Variants in TNFRSF10B observed in about 807,000 individuals in gnomAD.
TNFRSF10B encodes TNF receptor superfamily member 10b, also known as tumor necrosis factor receptor superfamily member 10B.
Under a neutral mutation model 41.4 loss-of-function variants are expected in TNFRSF10B, and 35 were observed. The observed-to-expected ratio is 0.85, with a 90% CI of 0.65 to 1.12. The LOEUF is 1.12. TNFRSF10B is among the 50% of genes most tolerant of loss of function. TNFRSF10B has a pLI of 0.00. For missense variants in TNFRSF10B, 584 were observed against 552.7 expected, an observed-to-expected ratio of 1.06 and a Z score of -0.57; for synonymous variants, 230 against 215.5, an observed-to-expected ratio of 1.07 and a Z score of -0.59.
intron 1 of TNFRSF10B, among the ~76,000 whole-genome samples, chr8:23,059,129 C>T (rs1248959728): frequency 5.9e-5 from 9 of 152,192 alleles, no homozygotes; most frequent in Non-Finnish European, 1.3e-4. Flanking sequence ...TGGCATTTTA[C>T]TGAGCATGTC....
chr8:23,020,557 T>G lies in TNFRSF10B; in HGVS notation c.*2114A>C, dbSNP rs957501086. 2 of 446,176 alleles carry G rather than the reference T, an allele frequency of 4.5e-6. No homozygotes were observed. Among genetic ancestry groups the G allele is most frequent in the Admixed American group, 2.4e-5 (1 of 41,848 alleles). 27.6% of individuals were successfully genotyped at this position (446,176 alleles called of 1,614,324 possible). A position where few individuals can be genotyped will look rare whatever the true frequency, so the allele number is the denominator to read the frequency against. On this transcript the variant is annotated 3_prime_UTR_variant, in exon 9 of 9. Coordinates refer to ENST00000276431, the MANE Select transcript of TNFRSF10B (RefSeq NM_003842.5). The stretch of plus-strand genomic sequence containing the variant: ...AAATACAAAAATTAGCCAGGCGTGG[T>G]GGCGGGTGCCTGCAATCCCAGCTAC...
chr8:23,047,786 G>A (rs996759837), intron 1 of TNFRSF10B, among the ~76,000 whole-genome samples: 2 of 152,180 alleles, frequency 1.3e-5, no homozygotes, highest in African/African-American at 4.8e-5. Context: ...CATTACAGAA[G>A]GCAGTATGGA....
chr8:23,059,097 A>AT (rs1251227725), intron 1 of TNFRSF10B, among the ~76,000 whole-genome samples: 3 of 152,062 alleles, frequency 2.0e-5, no homozygotes, highest in Admixed American at 2.0e-4. Context: ...GTGGAATCCT[A>AT]TTTCATTTGT....
chr8:23,068,948 A>C lies in TNFRSF10B; in HGVS notation c.-54T>G. On this transcript the variant is annotated 5_prime_UTR_variant, in exon 1 of 9. Coordinates refer to ENST00000276431, the MANE Select transcript of TNFRSF10B (RefSeq NM_003842.5). ...CAGGCCCGTGGGTTTCAGCCCTTAAAGTAGATCGGGCATCGTCGGTGTATT... is the reference window on the plus strand; with the variant it reads ...CAGGCCCGTGGGTTTCAGCCCTTAACGTAGATCGGGCATCGTCGGTGTATT... The C allele has an allele frequency of 6.2e-7, 1 of 1,612,728 alleles. No individual in the cohort carries two copies. The highest frequency in any genetic ancestry group is 8.5e-7 in the Non-Finnish European group (1 of 1,179,834).
chr8:23,054,785 T>C (rs1420650985), intron 1 of TNFRSF10B, among the ~76,000 whole-genome samples: 2 of 152,152 alleles, frequency 1.3e-5, no homozygotes, highest in African/African-American at 2.4e-5. Flanking sequence ...ATGGTATAAA[T>C]CCATGGTTGG....
chr8:23,068,912 T>TTA lies in TNFRSF10B; in HGVS notation c.-20_-19dup. 6.2e-7 allele frequency: 1 copy of TTA among 1,613,316 alleles called. No homozygotes were observed. Among genetic ancestry groups the TTA allele is most frequent in the Non-Finnish European group, 8.5e-7 (1 of 1,179,942 alleles). ...TGTTCCATGGCGGTAGGGAACGCTCTTATAGTCTCTCAGGCCCGTGGGTTT... is the reference window on the plus strand; with the variant it reads ...TGTTCCATGGCGGTAGGGAACGCTCTTATATAGTCTCTCAGGCCCGTGGGTTT... On this transcript the variant is annotated 5_prime_UTR_variant, in exon 1 of 9. Coordinates refer to ENST00000276431, the MANE Select transcript of TNFRSF10B (RefSeq NM_003842.5).
intron 1 of TNFRSF10B, among the ~76,000 whole-genome samples, chr8:23,043,639 CA>C (rs1330919755): frequency 2.0e-5 from 3 of 152,172 alleles, no homozygotes; most frequent in African/African-American, 7.2e-5. Flanking sequence ...GACATACACA[CA>C]GACACACATT....
intron 1 of TNFRSF10B, among the ~76,000 whole-genome samples, chr8:23,050,678 A>C (rs1279929876): frequency 2.6e-5 from 4 of 152,146 alleles, no homozygotes; most frequent in Admixed American, 6.5e-5. Flanking sequence ...TTTGGGAAAA[A>C]ATTGTTTAAG....
chr8:23,045,314 C>G (rs189899835), intron 1 of TNFRSF10B, among the ~76,000 whole-genome samples: 11 of 151,894 alleles, frequency 7.2e-5, no homozygotes, highest in Admixed American at 4.6e-4. Context: ...CAATTATATG[C>G]CAAAGGATTG....
At chr8:23,026,190 G>C (rs1011370461) in intron 7 of TNFRSF10B, among the ~76,000 whole-genome samples, 6 of 151,698 alleles carry the variant, frequency 4.0e-5, no homozygotes, top group African/African-American at 1.4e-4. Flanking sequence ...ACAGATGCAA[G>C]GAAGAAACAG....
chr8:23,045,572 T>G (rs1812333466), intron 1 of TNFRSF10B, among the ~76,000 whole-genome samples: 1 of 152,094 alleles, frequency 6.6e-6, no homozygotes, highest in Non-Finnish European at 1.5e-5. Context: ...AGGGACTACT[T>G]CCAAACTTAT....
rs777873367 is a variant in TNFRSF10B at position 23,021,077 on chromosome 8, C to G, written c.*1594G>C. ...GAACAAAACACACAATGCCTTGAGA[C>G]AGAAAAGACCAAAAACTCCTGGAAT... On this transcript the variant is annotated 3_prime_UTR_variant, in exon 9 of 9. Transcript: ENST00000276431. 1 of 454,092 alleles carries G rather than the reference C, an allele frequency of 2.2e-6. No homozygotes were observed. Among genetic ancestry groups the G allele is most frequent in the South Asian group, 1.6e-5 (1 of 64,478 alleles). 28.1% of individuals were successfully genotyped at this position (454,092 alleles called of 1,614,324 possible).
chr8:23,027,140 T>G lies in TNFRSF10B; in HGVS notation c.929A>C (p.His310Pro). The change falls in exon 7 of 9, where the codon CAT becomes CCT. Residue 310 changes from histidine to proline, a missense_variant. Transcript: ENST00000276431. ...GATCTGTCCCCCACTCACCAGCAGATGCTCTGACTCCCCGGGGGACAACAT... is the reference window on the plus strand; with the variant it reads ...GATCTGTCCCCCACTCACCAGCAGAGGCTCTGACTCCCCGGGGGACAACAT... ...VNMLSPGESE[H>P]LLEPAEAERS... is the part of the protein sequence containing the mutation. The G allele has an allele frequency of 6.2e-7, 1 of 1,614,068 alleles. No individual in the cohort carries two copies. Among genetic ancestry groups the G allele is most frequent in the Non-Finnish European group, 8.5e-7 (1 of 1,180,018 alleles).
intron 2 of TNFRSF10B, among the ~76,000 whole-genome samples, chr8:23,036,643 G>A (rs570701015): frequency 3.3e-5 from 5 of 152,192 alleles, no homozygotes; most frequent in Non-Finnish European, 5.9e-5. Context: ...TCAGGAGTTC[G>A]AGACTGGCCT....
chr8:23,056,770 AT>A (rs1379161819), intron 1 of TNFRSF10B, among the ~76,000 whole-genome samples: 1 of 152,052 alleles, frequency 6.6e-6, no homozygotes, highest in Non-Finnish European at 1.5e-5. Context: ...ACCATGGATT[AT>A]TTATAAGTGT....
At chr8:23,056,767 ATTAT>A (rs745593418) in intron 1 of TNFRSF10B, among the ~76,000 whole-genome samples, 21 of 152,038 alleles carry the variant, frequency 1.4e-4, no homozygotes, top group Non-Finnish European at 2.6e-4. Context: ...TGAACCATGG[ATTAT>A]TTATAAGTGT....
At chr8:23,027,498 C>G (rs1397555952) in intron 6 of TNFRSF10B, 1 of 786,896 alleles carries the variant, frequency 1.3e-6, no homozygotes, top group Non-Finnish European at 2.1e-6. Context: ...CCCTAGGGTG[C>G]AGGCTGTGGG....
chr8:23,027,333 A>G, intron 6 of TNFRSF10B, 45 bp from the exon 7 acceptor site: 1 of 1,612,386 alleles, frequency 6.2e-7, no homozygotes, highest in Non-Finnish European at 8.5e-7. Flanking sequence ...TCAGGAGTCC[A>G]CACCTAGGGC....
intron 1 of TNFRSF10B, among the ~76,000 whole-genome samples, chr8:23,056,986 T>C (rs1412392219): frequency 6.6e-6 from 1 of 151,898 alleles, no homozygotes; most frequent in East Asian, 1.9e-4. Flanking sequence ...TAGATGCATG[T>C]GTCCTCTTAT....
Sources: gnomAD v4.1 joint callset for allele counts (sites outside exome capture counted in the v4.1 genomes callset) on GRCh38, gnomAD v4.1.1 for gene constraint, MANE v1.5 for transcripts, NCBI Gene and HGNC (gene_info 2026-07-23, HGNC 2026-07-21) for gene names.